The following RGS5 variants were observed in gnomAD, a reference collection of about 807,000 sequenced individuals.
RGS5 encodes regulator of G-protein signalling 5.
A neutral mutation model predicts 18.9 loss-of-function variants in RGS5; 20 were observed. The ratio of observed to expected loss-of-function variants is 1.06; its 90% CI spans 0.74 to 1.54. RGS5 has a LOEUF of 1.54. Among genes scored for constraint, RGS5 ranks in the 40% most tolerant of loss-of-function variants. The pLI, the probability that RGS5 is intolerant of heterozygous loss-of-function variation, is 0.00. For synonymous variants in RGS5, 57 were observed against 76.2 expected (o/e 0.75, Z 1.31); for missense variants, 201 against 211.8 (o/e 0.95, Z 0.32).
intron 1 of RGS5, among the ~76,000 whole-genome samples, chr1:163,194,394 G>A (rs1659477628): frequency 6.6e-6 from 1 of 152,072 alleles, no homozygotes; most frequent in Non-Finnish European, 1.5e-5. Context: ...AATAAAAATG[G>A]AATATTTTCT....
intron 2 of RGS5, among the ~76,000 whole-genome samples, chr1:163,231,026 A>C (rs970597343): frequency 1.3e-5 from 2 of 152,216 alleles, no homozygotes; most frequent in African/African-American, 2.4e-5. Context: ...TCTGACTGGC[A>C]AAGTCAAGTC....
intron 2 of RGS5, among the ~76,000 whole-genome samples, chr1:163,164,464 C>T (rs1657955645): frequency 1.3e-5 from 2 of 152,168 alleles, no homozygotes; most frequent in Admixed American, 6.5e-5. Flanking sequence ...CTGCTGGAAG[C>T]GCTGTCTCTC....
chr1:163,165,006 C>T (rs774819679), intron 2 of RGS5, among the ~76,000 whole-genome samples: 8 of 152,208 alleles, frequency 5.3e-5, no homozygotes, highest in African/African-American at 1.2e-4. Flanking sequence ...ACAGTCTGCT[C>T]ATGACCAGGC....
intron 4 of RGS5, among the ~76,000 whole-genome samples, chr1:163,150,686 A>C (rs766796744): frequency 1.5e-4 from 23 of 152,114 alleles, no homozygotes; most frequent in Non-Finnish European, 3.1e-4. Flanking sequence ...GATTCTTTCT[A>C]GCACCTTTTC....
At chr1:163,241,790 T>C (rs1647798703) in intron 2 of RGS5, among the ~76,000 whole-genome samples, 1 of 151,996 alleles carries the variant, frequency 6.6e-6, no homozygotes, top group South Asian at 2.1e-4. Flanking sequence ...TAAAAATATT[T>C]AAAATAGAAA....
At chr1:163,240,131 T>TA (rs1280309889) in intron 2 of RGS5, among the ~76,000 whole-genome samples, 3 of 151,430 alleles carry the variant, frequency 2.0e-5, no homozygotes, top group Non-Finnish European at 4.4e-5. Flanking sequence ...CCAAAAGAAA[T>TA]AAAAAGATAT....
At chr1:163,224,489 T>C (rs1647290546) in intron 2 of RGS5, among the ~76,000 whole-genome samples, 2 of 152,236 alleles carry the variant, frequency 1.3e-5, no homozygotes, top group Admixed American at 6.5e-5. Flanking sequence ...TCTTGGCTGT[T>C]ACAAATAGTG....
chr1:163,170,258 T>C (rs1036844469), intron 1 of RGS5, among the ~76,000 whole-genome samples: 1 of 152,338 alleles, frequency 6.6e-6, no homozygotes, highest in East Asian at 1.9e-4. Flanking sequence ...GAGAACTTTT[T>C]GATGGTAGGA....
chr1:163,246,523 A>T (rs1238858472), intron 2 of RGS5, among the ~76,000 whole-genome samples: 3 of 152,098 alleles, frequency 2.0e-5, no homozygotes, highest in Admixed American at 6.5e-5. Context: ...GTGAGCCTAG[A>T]TTGTGCCACT....
At chr1:163,214,718 C>A (rs887803998) in intron 1 of RGS5, among the ~76,000 whole-genome samples, 1 of 152,088 alleles carries the variant, frequency 6.6e-6, no homozygotes, top group African/African-American at 2.4e-5. Flanking sequence ...ATTTACTATT[C>A]ACATTTCTTT....
At chr1:163,266,337 G>A (rs1184425245) in intron 2 of RGS5, among the ~76,000 whole-genome samples, 4 of 151,870 alleles carry the variant, frequency 2.6e-5, no homozygotes, top group Non-Finnish European at 5.9e-5. Flanking sequence ...CTTAGTTCGG[G>A]CCTCATCATC....
At chr1:163,241,012 A>G (rs1031473759) in intron 2 of RGS5, among the ~76,000 whole-genome samples, 1 of 152,164 alleles carries the variant, frequency 6.6e-6, no homozygotes, top group Non-Finnish European at 1.5e-5. Flanking sequence ...ACTCTTGCCA[A>G]GATCTCTTCA....
At chr1:163,222,254 A>G (rs185423279), upstream of RGS5, among the ~76,000 whole-genome samples, 57 of 152,266 alleles carry the variant, frequency 3.7e-4, no homozygotes, top group African/African-American at 1.3e-3. Context: ...TTGGATCAAC[A>G]GCAGCATTAG....
chr1:163,151,767 C>G (rs868256373), intron 4 of RGS5, among the ~76,000 whole-genome samples: 4 of 152,170 alleles, frequency 2.6e-5, no homozygotes, highest in Admixed American at 6.5e-5. Context: ...TTATAAATTA[C>G]CAAGTCTTTG....
chr1:163,189,051 C>G (rs941094446), intron 1 of RGS5, among the ~76,000 whole-genome samples: 1 of 151,932 alleles, frequency 6.6e-6, no homozygotes, highest in Non-Finnish European at 1.5e-5. Context: ...TGTAGAACAG[C>G]CCAGATGAAG....
intron 3 of RGS5, among the ~76,000 whole-genome samples, chr1:163,155,474 G>T (rs955884116): frequency 6.6e-6 from 1 of 152,152 alleles, no homozygotes; most frequent in African/African-American, 2.4e-5. Flanking sequence ...TCTGCAAGAT[G>T]TGTAAAGCTA....
At chr1:163,221,819 C>T (rs1647232970), upstream of RGS5, among the ~76,000 whole-genome samples, 3 of 152,098 alleles carry the variant, frequency 2.0e-5, no homozygotes, top group Non-Finnish European at 4.4e-5. Flanking sequence ...CATAGGCCAA[C>T]CATGTGACTT....
At position 163,185,415 on chromosome 1, in the gene RGS5, G is replaced by T. The variant is rs941548515; in HGVS notation, c.45-17047C>A. On this transcript the variant is annotated intron_variant, in intron 1 of 4. Transcript: ENST00000313961. ...TCCTAAAAGACAAGGTGAGAGTTCA[G>T]AAGAATGAATTCATCATCTGCTACA... Among the ~76,000 whole-genome samples the T allele has an allele frequency of 8.5e-5, 13 of 152,170 alleles. 1 individual carries two copies. The highest frequency in any genetic ancestry group is 2.0e-4 in the Admixed American group (3 of 15,284).
At chr1:163,220,860 T>C (rs1412039622), upstream of RGS5, among the ~76,000 whole-genome samples, 1 of 151,940 alleles carries the variant, frequency 6.6e-6, no homozygotes, top group Non-Finnish European at 1.5e-5. Flanking sequence ...AAGTAAAAGT[T>C]TGGAGTGGTG....
Sources: gnomAD v4.1 joint callset for allele counts (sites outside exome capture counted in the v4.1 genomes callset) on GRCh38, gnomAD v4.1.1 for gene constraint, MANE v1.5 for transcripts, NCBI Gene and HGNC (gene_info 2026-07-23, HGNC 2026-07-21) for gene names.